The following METTL15 variants were observed in gnomAD, a reference collection of about 807,000 sequenced individuals.
METTL15 encodes 12S rRNA N(4)-cytidine methyltransferase METTL15.
METTL15 carries 34 observed loss-of-function variants against 38.3 expected under a neutral mutation model. That is an observed-to-expected ratio of 0.89 (90% CI 0.68 to 1.18). METTL15 has a LOEUF of 1.18. METTL15 is among the 50% of genes most tolerant of loss of function. METTL15 has a pLI of 0.00. For missense variants in METTL15, 438 were observed against 498.4 expected, an observed-to-expected ratio of 0.88 and a Z score of 1.15; for synonymous variants, 162 against 170.9, an observed-to-expected ratio of 0.95 and a Z score of 0.41.
In METTL15 at chr11:28,194,174, T is replaced by TTCTTTCTTTC. The variant is rs1191633285; in HGVS notation, c.271-16887_271-16886insCTTTCTTTCT. On this transcript the variant is annotated intron_variant, in intron 3 of 6. Transcript: ENST00000407364. Reference sequence around the variant, plus strand: ...TTTCTTTCTTTCTTTCTTTCTTTCTTTTTCTCTCTCTCTCTCTCCTCTCTC... The same window carrying TTCTTTCTTTC: ...TTTCTTTCTTTCTTTCTTTCTTTCTTTCTTTCTTTCTTTCTCTCTCTCTCTCTCCTCTCTC... Among the ~76,000 whole-genome samples, 22 of 54,308 alleles carry TTCTTTCTTTC rather than the reference T, an allele frequency of 4.1e-4. No individual in the cohort carries two copies. The East Asian group carries it at 5.2e-3, about 13-fold the overall frequency. The allele number at this position is 54,308 out of a possible 152,430, so 35.6% of individuals were successfully genotyped here.
In METTL15 at chr11:28,360,236, G is replaced by C. The variant is rs2133367282; in HGVS notation, c.*259-1701G>C. The stretch of plus-strand genomic sequence containing the variant: ...TTCTCTTAAAAGTGCTTTCCCAATA[G>C]ACAAGTGTAAGATGGGCCTACCAGC... On this transcript the variant is annotated intron_variant and NMD_transcript_variant, in intron 4 of 7. Coordinates refer to the METTL15 transcript ENST00000532947. 2.0e-5 allele frequency among the ~76,000 whole-genome samples: 3 copies of C among 152,234 alleles called. 1 individual carries two copies. In the South Asian group the frequency reaches 6.2e-4, roughly 32 times the overall value.
chr11:28,233,506 A>C (rs7949057), intron 4 of METTL15, among the ~76,000 whole-genome samples: 43,722 of 151,804 alleles, frequency 0.29, 7,096 homozygotes, highest in African/African-American at 0.43. Flanking sequence ...CTGGAATACA[A>C]CACTGCATTC....
At chr11:28,394,801 T>A (rs1564918725) in intron 5 of METTL15, among the ~76,000 whole-genome samples, 1 of 152,116 alleles carries the variant, frequency 6.6e-6, no homozygotes, top group Non-Finnish European at 1.5e-5. Flanking sequence ...TAATTGTTAG[T>A]TTGTGCTGAT....
Position 28,442,274 on chromosome 11 carries a change from A to G in METTL15, c.*424+17910A>G, listed in dbSNP as rs1851041207. Among the ~76,000 whole-genome samples the G allele has an allele frequency of 2.0e-5, 3 of 152,212 alleles. No individual in the cohort carries two copies. The South Asian group carries it at 6.2e-4, about 31-fold the overall frequency. On this transcript the variant is annotated intron_variant and NMD_transcript_variant, in intron 6 of 7. Transcript: ENST00000532947. The stretch of plus-strand genomic sequence containing the variant: ...TTTGCTCTGGGCTATTTTCCCAGGA[A>G]GGAAGGAGGCTTTAATGTCTACCTT...
At chr11:28,421,562 A>G (rs894494391) in intron 5 of METTL15, among the ~76,000 whole-genome samples, 21 of 152,226 alleles carry the variant, frequency 1.4e-4, no homozygotes, top group African/African-American at 4.6e-4. Context: ...AACATATGCA[A>G]ATGTATCAGT....
At chr11:28,344,218 C>A (rs1319197161) in intron 3 of METTL15, among the ~76,000 whole-genome samples, 1 of 152,126 alleles carries the variant, frequency 6.6e-6, no homozygotes, top group African/African-American at 2.4e-5. Flanking sequence ...ATTTAGTTCT[C>A]CATGACATAT....
At chr11:28,242,600 A>T (rs1199231972) in intron 4 of METTL15, among the ~76,000 whole-genome samples, 1 of 152,152 alleles carries the variant, frequency 6.6e-6, no homozygotes, top group Admixed American at 6.5e-5. Context: ...TTTCACTTTC[A>T]TCAGTGTCTT....
intron 3 of METTL15, among the ~76,000 whole-genome samples, chr11:28,179,042 A>G (rs1228560436): frequency 2.6e-5 from 4 of 151,776 alleles, no homozygotes; most frequent in Non-Finnish European, 4.4e-5. Context: ...TACCCAATTT[A>G]TGATAAAAGA....
intron 5 of METTL15, among the ~76,000 whole-genome samples, chr11:28,292,665 A>G (rs1033317062): frequency 1.3e-5 from 2 of 152,198 alleles, no homozygotes; most frequent in Non-Finnish European, 2.9e-5. Context: ...ACTAGTTTAC[A>G]GTCCCACCAA....
chr11:28,486,658 G>C (rs1359445905), intron 6 of METTL15, among the ~76,000 whole-genome samples: 1 of 152,120 alleles, frequency 6.6e-6, no homozygotes, highest in Non-Finnish European at 1.5e-5. Flanking sequence ...CTCATTGTCT[G>C]TAGCAATAAA....
At chr11:28,246,631 G>C (rs1406767765) in intron 4 of METTL15, among the ~76,000 whole-genome samples, 1 of 152,138 alleles carries the variant, frequency 6.6e-6, no homozygotes, top group East Asian at 1.9e-4. Context: ...TAGAATTGCA[G>C]TTCTAGCTAC....
intron 6 of METTL15, among the ~76,000 whole-genome samples, chr11:28,328,831 A>T (rs958894172): frequency 6.6e-6 from 1 of 152,028 alleles, no homozygotes; most frequent in Non-Finnish European, 1.5e-5. Context: ...TGTATTCTGC[A>T]GTTTACTTCT....
intron 4 of METTL15, among the ~76,000 whole-genome samples, chr11:28,271,877 A>AAAAC (rs772679133): frequency 1.0e-3 from 154 of 152,270 alleles, no homozygotes; most frequent in African/African-American, 3.4e-3. Flanking sequence ...TTTACAGAAA[A>AAAAC]AAACAACACC....
At chr11:28,523,604 G>A (rs555638484) in intron 6 of METTL15, among the ~76,000 whole-genome samples, 2 of 152,266 alleles carry the variant, frequency 1.3e-5, no homozygotes, top group African/African-American at 2.4e-5. Flanking sequence ...AACTAATATA[G>A]AAACTAATTC....
At chr11:28,509,714 G>C (rs755385752) in intron 6 of METTL15, among the ~76,000 whole-genome samples, 4 of 152,128 alleles carry the variant, frequency 2.6e-5, no homozygotes, top group Admixed American at 2.6e-4. Context: ...GATCTCCTAA[G>C]AGTTCTTCTG....
chr11:28,252,515 T>A (rs1461485838), intron 4 of METTL15, among the ~76,000 whole-genome samples: 1 of 152,164 alleles, frequency 6.6e-6, no homozygotes, highest in Non-Finnish European at 1.5e-5. Flanking sequence ...CCTACCTGTA[T>A]CTGTATGAGT....
chr11:28,153,740 A>G (rs117517732), intron 3 of METTL15, among the ~76,000 whole-genome samples: 2,351 of 152,260 alleles, frequency 0.015, 27 homozygotes, highest in Non-Finnish European at 0.023. Flanking sequence ...TGGCATTTAG[A>G]AAATCCAACA....
chr11:28,387,312 A>G (rs563882666), intron 5 of METTL15, among the ~76,000 whole-genome samples: 18 of 152,058 alleles, frequency 1.2e-4, no homozygotes, highest in African/African-American at 4.1e-4. Context: ...ACTCTTAGCT[A>G]GACAAAAGAT....
At chr11:28,370,251 A>G (rs1214317442) in intron 5 of METTL15, among the ~76,000 whole-genome samples, 4 of 151,880 alleles carry the variant, frequency 2.6e-5, no homozygotes, top group African/African-American at 9.7e-5. Context: ...GTAACCACCA[A>G]TCTATACTAA....
Sources: gnomAD v4.1 joint callset for allele counts (sites outside exome capture counted in the v4.1 genomes callset) on GRCh38, gnomAD v4.1.1 for gene constraint, MANE v1.5 for transcripts, NCBI Gene and HGNC (gene_info 2026-07-23, HGNC 2026-07-21) for gene names.